The following ADAMTS3 variants were observed in gnomAD, a reference collection of about 807,000 sequenced individuals.
ADAMTS3 encodes the protein ADAM metallopeptidase with thrombospondin type 1 motif 3.
ADAMTS3 carries 73 observed loss-of-function variants against 129.0 expected under a neutral mutation model. The ratio of observed to expected loss-of-function variants is 0.57; its 90% confidence interval spans 0.47 to 0.69. The LOEUF is 0.69. Among genes scored for constraint, ADAMTS3 ranks in the 30% least tolerant of loss-of-function variants. The probability of loss-of-function intolerance (pLI) is 0.00; values close to 1 mark genes in which losing one functional copy is unlikely to be tolerated. For synonymous variants in ADAMTS3, 477 were observed against 510.8 expected, an observed-to-expected ratio of 0.93 and a Z score of 0.89; for missense variants, 1,457 against 1,514.5, an observed-to-expected ratio of 0.96 and a Z score of 0.63.
intron 3 of ADAMTS3, among the ~76,000 whole-genome samples, chr4:72,505,648 C>A (rs1054770063): frequency 6.6e-6 from 1 of 152,196 alleles, no homozygotes; most frequent in African/African-American, 2.4e-5. Flanking sequence ...AGAGACAGTC[C>A]AGTGGGCAGC....
intron 3 of ADAMTS3, among the ~76,000 whole-genome samples, chr4:72,536,265 A>T (rs1721183353): frequency 6.6e-6 from 1 of 152,198 alleles, no homozygotes; most frequent in South Asian, 2.1e-4. Context: ...ACTCTTCAGG[A>T]GAGCAGAGAT....
intron 3 of ADAMTS3, among the ~76,000 whole-genome samples, chr4:72,464,184 C>A (rs2109986957): frequency 1.3e-5 from 2 of 152,080 alleles, no homozygotes; most frequent in African/African-American, 4.8e-5. Flanking sequence ...AATCCCCAAA[C>A]CAAAACTTCT....
chr4:72,529,013 G>T (rs1028628935), intron 3 of ADAMTS3, among the ~76,000 whole-genome samples: 3 of 152,076 alleles, frequency 2.0e-5, no homozygotes, highest in African/African-American at 7.2e-5. Flanking sequence ...AGTAATCAGG[G>T]TTTCTGCTTT....
At chr4:72,410,675 AT>A (rs577043586) in intron 4 of ADAMTS3, among the ~76,000 whole-genome samples, 1 of 152,114 alleles carries the variant, frequency 6.6e-6, no homozygotes, top group Admixed American at 6.6e-5. Flanking sequence ...GCAGGGGTAT[AT>A]TTTTTTACAT....
At chr4:72,341,787 A>C (rs181615493) in intron 4 of ADAMTS3, among the ~76,000 whole-genome samples, 44 of 152,334 alleles carry the variant, frequency 2.9e-4, no homozygotes, top group Non-Finnish European at 5.7e-4. Flanking sequence ...GTAAGGAAAC[A>C]GAATCTCTCT....
At chr4:72,452,922 A>G (rs1381293541) in intron 3 of ADAMTS3, among the ~76,000 whole-genome samples, 1 of 151,812 alleles carries the variant, frequency 6.6e-6, no homozygotes, top group Non-Finnish European at 1.5e-5. Context: ...AAAGAACACT[A>G]AACAAGAAGA....
At chr4:72,555,292 T>G (rs116660281) in intron 2 of ADAMTS3, among the ~76,000 whole-genome samples, 4,549 of 151,828 alleles carry the variant, frequency 0.03, 359 homozygotes, top group African/African-American at 0.11. Flanking sequence ...TCATCTCTCA[T>G]ATTAGCCTAC....
chr4:72,449,905 C>A (rs1718349518), intron 3 of ADAMTS3, among the ~76,000 whole-genome samples: 1 of 151,652 alleles, frequency 6.6e-6, no homozygotes. Flanking sequence ...CCTCACCACC[C>A]ATTCTAAGAA....
intron 3 of ADAMTS3, among the ~76,000 whole-genome samples, chr4:72,475,858 T>C (rs979471273): frequency 6.6e-6 from 1 of 151,964 alleles, no homozygotes; most frequent in African/African-American, 2.4e-5. Flanking sequence ...ACTTAGAAAG[T>C]AAACAATACA....
At chr4:72,323,650 T>C (rs1042936827) in intron 5 of ADAMTS3, among the ~76,000 whole-genome samples, 4 of 152,112 alleles carry the variant, frequency 2.6e-5, no homozygotes, top group Non-Finnish European at 5.9e-5. Context: ...TCCTACAAGA[T>C]AGAAATCCTC....
At chr4:72,314,009 T>A (rs531067220) in intron 11 of ADAMTS3, among the ~76,000 whole-genome samples, 187 bp from the exon 12 acceptor site, 13 of 152,316 alleles carry the variant, frequency 8.5e-5, no homozygotes, top group African/African-American at 2.9e-4. Context: ...TTTAGACTTG[T>A]ATTTTTCAAG....
At chr4:72,331,026 GA>G (rs1195442148) in intron 5 of ADAMTS3, among the ~76,000 whole-genome samples, 1 of 152,160 alleles carries the variant, frequency 6.6e-6, no homozygotes, top group African/African-American at 2.4e-5. Context: ...TGTAACTTAA[GA>G]AAGAAGAAAG....
At chr4:72,370,895 T>C (rs769603403) in intron 4 of ADAMTS3, among the ~76,000 whole-genome samples, 11 of 152,176 alleles carry the variant, frequency 7.2e-5, no homozygotes, top group Non-Finnish European at 1.5e-4. Flanking sequence ...GTAATGGTAA[T>C]GTTATTTGGA....
chr4:72,500,284 T>C (rs570110767), intron 3 of ADAMTS3, among the ~76,000 whole-genome samples: 69 of 152,270 alleles, frequency 4.5e-4, no homozygotes, highest in African/African-American at 1.5e-3. Flanking sequence ...ACAGCATCTG[T>C]TATTTTTTGA....
Position 72,318,639 on chromosome 4 carries a change from C to A in ADAMTS3, c.1418G>T (p.Gly473Val). 6.2e-7 allele frequency: 1 copy of A among 1,613,706 alleles called. No homozygotes were observed. Among genetic ancestry groups the A allele is most frequent in the Non-Finnish European group, 8.5e-7 (1 of 1,179,846 alleles). The change falls in exon 10 of 22, where the codon GGA becomes GTA. Residue 473 changes from glycine to valine, a missense_variant. Gly to Val is a moderately radical substitution (Grantham distance 109). Transcript: ENST00000286657. The part of the protein sequence containing the change: ...HDWPKLPELP[G>V]INYSMDEQCR... ...TTGCTCATCCATAGAATAATTGATTCCAGGAAGTTCTGGGAGTTTAGGCCA... is the reference window on the plus strand; with the variant it reads ...TTGCTCATCCATAGAATAATTGATTACAGGAAGTTCTGGGAGTTTAGGCCA...
At chr4:72,320,045 A>G in intron 7 of ADAMTS3, 82 bp from the exon 8 acceptor site, 1 of 1,099,786 alleles carries the variant, frequency 9.1e-7, no homozygotes, top group Non-Finnish European at 1.4e-6. Context: ...GCCTAGGGGG[A>G]AAAAAGTAAA....
At chr4:72,343,669 T>A (rs1361044013) in intron 4 of ADAMTS3, among the ~76,000 whole-genome samples, 1 of 152,094 alleles carries the variant, frequency 6.6e-6, no homozygotes, top group African/African-American at 2.4e-5. Flanking sequence ...CAGAGAGTGA[T>A]TTATGTGACA....
At chr4:72,347,300 T>C (rs1031565276) in intron 4 of ADAMTS3, among the ~76,000 whole-genome samples, 1 of 151,492 alleles carries the variant, frequency 6.6e-6, no homozygotes, top group Non-Finnish European at 1.5e-5. Flanking sequence ...TTTTTTCCAT[T>C]TGCTAAGACA....
chr4:72,551,348 A>G lies in ADAMTS3; in HGVS notation c.98-2464T>C, dbSNP rs74977992. On this transcript the variant is annotated intron_variant, in intron 2 of 21. Coordinates refer to ENST00000286657, the MANE Select transcript of ADAMTS3 (RefSeq NM_014243.3). ...ATACGTACAGTAAGCCATACATCCT[A>G]GATGTATGTTCCATTTTTATACTGT... Among the ~76,000 whole-genome samples the G allele has an allele frequency of 8.1e-4, 123 of 152,280 alleles. 1 individual carries two copies. In the East Asian group the frequency reaches 0.02, roughly 25 times the overall value.
Sources: gnomAD v4.1 joint callset for allele counts (sites outside exome capture counted in the v4.1 genomes callset) on GRCh38, gnomAD v4.1.1 for gene constraint, MANE v1.5 for transcripts, NCBI Gene and HGNC (gene_info 2026-07-23, HGNC 2026-07-21) for gene names.